TKTL1: variants seen among roughly 807,000 people sequenced by gnomAD.
The protein encoded by TKTL1 is transketolase-like protein 1.
A neutral mutation model predicts 39.3 loss-of-function variants in TKTL1; 1 was observed. The observed-to-expected ratio is 0.03, with a 90% CI of 0.01 to 0.12. TKTL1 has a LOEUF of 0.12. TKTL1 is among the 10% of genes least tolerant of loss of function. The pLI, the probability that TKTL1 is intolerant of heterozygous loss-of-function variation, is 1.00. For missense variants in TKTL1, 575 were observed against 509.6 expected (o/e 1.13, Z -1.24); for synonymous variants, 262 against 193.8 (o/e 1.35, Z -2.92).
In TKTL1 at chrX:154,295,801, C is replaced by T. The variant is rs983531246; in HGVS notation, c.-59C>T. The T allele has an allele frequency of 3.2e-5, 38 of 1,178,457 alleles. No homozygotes were observed. Among genetic ancestry groups the T allele is most frequent in the South Asian group, 3.8e-5 (2 of 53,065 alleles). On this transcript the variant is annotated 5_prime_UTR_variant, in exon 1 of 13. Transcript: ENST00000369915. ...CACTGGGCAGCTCGCAGGCGCCATT[C>T]GCTCTTCAGACGCCGGAGACGTAGG...
At chrX:154,310,589 C>T (rs937205820) in intron 3 of TKTL1, among the ~76,000 whole-genome samples, 2 of 112,451 alleles carry the variant, frequency 1.8e-5, no homozygotes, top group Non-Finnish European at 3.8e-5. Flanking sequence ...GCAGAAGAAC[C>T]TAAAAGTTGC....
At chrX:154,324,934 G>A (rs1189520420) in intron 9 of TKTL1, among the ~76,000 whole-genome samples, 4 of 112,283 alleles carry the variant, frequency 3.6e-5, no homozygotes, top group South Asian at 3.6e-4. Flanking sequence ...GGGGCCAGTC[G>A]TCTTGTATTC....
chrX:154,310,125 A>C (rs782026971), intron 3 of TKTL1, among the ~76,000 whole-genome samples: 6 of 111,510 alleles, frequency 5.4e-5, no homozygotes, highest in African/African-American at 1.6e-4. Flanking sequence ...GGGTGTTTTG[A>C]TTGTTGTGAT....
At chrX:154,320,544 G>C (rs890366436) in intron 7 of TKTL1, 25 of 419,186 alleles carry the variant, frequency 6.0e-5, no homozygotes, top group Non-Finnish European at 7.5e-5. Context: ...CTCATCTCTT[G>C]CTCCCTAGGA....
chrX:154,299,639 C>T (rs1023100844), intron 1 of TKTL1, among the ~76,000 whole-genome samples: 1 of 111,010 alleles, frequency 9.0e-6, no homozygotes, highest in Non-Finnish European at 1.9e-5. Context: ...CATTCTCCTC[C>T]CCAAAGTCCG....
intron 7 of TKTL1, among the ~76,000 whole-genome samples, chrX:154,318,319 A>G (rs1299720081): frequency 1.8e-5 from 2 of 111,001 alleles, no homozygotes; most frequent in Non-Finnish European, 3.8e-5. Context: ...TCATGCCATT[A>G]ATGATGACAC....
intron 7 of TKTL1, among the ~76,000 whole-genome samples, chrX:154,317,278 G>A (rs781885397): frequency 8.9e-6 from 1 of 112,062 alleles, no homozygotes; most frequent in Middle Eastern, 4.6e-3. Context: ...TGTTGAAAGA[G>A]GTGGCTACAA....
chrX:154,311,667 A>C (rs1440447590), intron 5 of TKTL1, among the ~76,000 whole-genome samples: 1 of 111,870 alleles, frequency 8.9e-6, no homozygotes, highest in Non-Finnish European at 1.9e-5. Flanking sequence ...ACCAACTATC[A>C]CATTTCAAGG....
At chrX:154,321,154 C>T (rs1260103898) in intron 8 of TKTL1, among the ~76,000 whole-genome samples, 1 of 109,989 alleles carries the variant, frequency 9.1e-6, no homozygotes, top group African/African-American at 3.3e-5. Flanking sequence ...TCCCGAGTGC[C>T]CCTTGTGTGT....
chrX:154,320,952 C>T, intron 8 of TKTL1, 39 bp downstream of exon 8: 1 of 1,179,080 alleles, frequency 8.5e-7, no homozygotes, highest in Non-Finnish European at 1.2e-6. Context: ...TAGCCTTCCT[C>T]CTTCACAGAG....
chrX:154,305,428 C>CGGTGG lies in TKTL1; in HGVS notation c.252+10_252+14dup, dbSNP rs782429733. ...CCGATTTGTCCTCGCAAAGGTATGC[C>CGGTGG]GGTGGGGAGCCCAGGGCTGCTGTGG... On this transcript the variant is annotated splice_region_variant and intron_variant, in intron 2 of 12. Transcript: ENST00000369915. 8.3e-7 allele frequency: 1 copy of CGGTGG among 1,204,630 alleles called. No homozygotes were observed.
intron 1 of TKTL1, among the ~76,000 whole-genome samples, chrX:154,303,578 C>T (rs2067292262): frequency 9.6e-6 from 1 of 103,934 alleles, no homozygotes; most frequent in Admixed American, 1.1e-4. Context: ...CCTTGGCTTT[C>T]CTCCTCACAC....
chrX:154,323,197 GTT>G lies in TKTL1; in HGVS notation c.1187-9_1187-8del. 1 of 1,209,005 alleles carries G rather than the reference GTT, an allele frequency of 8.3e-7. No homozygotes were observed. The highest frequency in any genetic ancestry group is 3.0e-5 in the East Asian group (1 of 33,719). On this transcript the variant is annotated splice_polypyrimidine_tract_variant and splice_region_variant and intron_variant, in intron 8 of 12. Coordinates refer to ENST00000369915, the MANE Select transcript of TKTL1 (RefSeq NM_012253.4). Reference sequence around the variant, plus strand: ...ATGCTCCTGTTTTCATCGGGCTCTGGTTCTCTCAGGTGACGATGGTGCTTCCC... The same window carrying G: ...ATGCTCCTGTTTTCATCGGGCTCTGGCTCTCAGGTGACGATGGTGCTTCCC...
At chrX:154,321,321 C>T (rs1320041533) in intron 8 of TKTL1, among the ~76,000 whole-genome samples, 1 of 109,381 alleles carries the variant, frequency 9.1e-6, no homozygotes, top group Non-Finnish European at 1.9e-5. Context: ...GGGGCTGGGA[C>T]CACCATCACC....
At position 154,306,153 on chromosome X, in the gene TKTL1, A is replaced by G. The variant is rs183226946; in HGVS notation, c.252+732A>G. Among the ~76,000 whole-genome samples, 44 of 110,795 alleles carry G rather than the reference A, an allele frequency of 4.0e-4. No homozygotes were observed. The East Asian group carries it at 0.012, about 29-fold the overall frequency. On this transcript the variant is annotated intron_variant, in intron 2 of 12. Transcript: ENST00000369915. ...AAAACTCCGTCTCCACTTAAAAAAA[A>G]AAAAAATTAGCTAGGCATGGTAGCA...
chrX:154,323,592 A>G (rs1378437009), intron 9 of TKTL1, among the ~76,000 whole-genome samples: 1 of 112,167 alleles, frequency 8.9e-6, no homozygotes, highest in African/African-American at 3.2e-5. Context: ...AGAAACAGGG[A>G]CCATTCTGGG....
At chrX:154,297,131 TAAAGTA>T (rs1363422265) in intron 1 of TKTL1, among the ~76,000 whole-genome samples, 1 of 111,618 alleles carries the variant, frequency 9.0e-6, no homozygotes, top group Non-Finnish European at 1.9e-5. Context: ...TCTAAAAAAA[TAAAGTA>T]AAAGAAACCG....
chrX:154,301,519 AAAAT>A (rs782273116), intron 1 of TKTL1, among the ~76,000 whole-genome samples: 7 of 112,166 alleles, frequency 6.2e-5, no homozygotes, highest in Admixed American at 1.9e-4. Flanking sequence ...TGTGTCTCAA[AAAAT>A]AAATAAATAA....
At chrX:154,301,927 A>T (rs782441408) in intron 1 of TKTL1, among the ~76,000 whole-genome samples, 9 of 106,905 alleles carry the variant, frequency 8.4e-5, no homozygotes, top group Admixed American at 1.0e-4. Context: ...TTTTTTTTTT[A>T]AATGAGACAA....
Sources: allele counts gnomAD v4.1 joint callset (sites outside exome capture counted in the v4.1 genomes callset), GRCh38; gene constraint gnomAD v4.1.1; transcripts MANE v1.5; gene names NCBI Gene and HGNC (gene_info 2026-07-23, HGNC 2026-07-21).